Variants in FANCI observed in about 807,000 individuals in gnomAD.
FANCI encodes FA complementation group I.
A neutral mutation model predicts 176.1 loss-of-function variants in FANCI; 156 were observed. The ratio of observed to expected loss-of-function variants is 0.89; its 90% CI spans 0.78 to 1.01. FANCI has a LOEUF of 1.01. Among genes scored for constraint, FANCI ranks in the 50% least tolerant of loss-of-function variants. The pLI is 0.00. For synonymous variants in FANCI, 613 were observed against 541.7 expected (o/e 1.13, Z -1.83); for missense variants, 1,678 against 1,534.1 (o/e 1.09, Z -1.57).
chr15:89,304,263 TC>T (rs1241420995), intron 28 of FANCI, among the ~76,000 whole-genome samples: 4 of 152,222 alleles, frequency 2.6e-5, no homozygotes, highest in African/African-American at 9.6e-5. Context: ...ACCTAAGTGT[TC>T]ATCAGCAGTA....
chr15:89,261,360 G>T (rs2052705060), intron 4 of FANCI, among the ~76,000 whole-genome samples: 1 of 152,140 alleles, frequency 6.6e-6, no homozygotes, highest in South Asian at 2.1e-4. Flanking sequence ...TGAAGAGCTG[G>T]CATATCTGAA....
downstream of FANCI, chr15:89,317,197 T>G (rs1338658433): frequency 1.6e-6 from 1 of 639,940 alleles, no homozygotes; most frequent in Non-Finnish European, 2.8e-6. Flanking sequence ...CCTTCATTTC[T>G]GAAACATCAT....
intron 10 of FANCI, among the ~76,000 whole-genome samples, chr15:89,269,286 A>G (rs540081164): frequency 7.2e-5 from 11 of 152,350 alleles, no homozygotes; most frequent in Admixed American, 3.9e-4. Flanking sequence ...ATAAGGACAC[A>G]TTATCACAAT....
Position 89,276,832 on chromosome 15 carries a change from A to G in FANCI, c.1234A>G (p.Arg412Gly). ...TATTGAAACCAGCCCAAGTCTTTCT[A>G]GAATGCCAAACCAGCATGCATGTAA... ...KTIETSPSLS[R>G]MPNQHACKLG... Residue 412 changes from arginine (R) to glycine (G), a missense_variant, in exon 13 of 38, where the codon AGA becomes GGA. Physicochemically the swap from Arg to Gly is moderately radical, Grantham distance 125. Transcript: ENST00000310775. 1 of 1,614,198 alleles carries G rather than the reference A, an allele frequency of 6.2e-7. No individual in the cohort carries two copies. The highest frequency in any genetic ancestry group is 8.5e-7 in the Non-Finnish European group (1 of 1,180,032).
chr15:89,307,425 C>G (rs751534750), intron 32 of FANCI, 51 bp from the exon 33 acceptor site: 1 of 1,554,410 alleles, frequency 6.4e-7, no homozygotes. Flanking sequence ...GCAGCAGTCA[C>G]TTGTAGTTTC....
chr15:89,287,813 G>C (rs2053879823), intron 18 of FANCI, among the ~76,000 whole-genome samples: 1 of 151,296 alleles, frequency 6.6e-6, no homozygotes, highest in Non-Finnish European at 1.5e-5. Flanking sequence ...GGCCCAGTCA[G>C]TGGAACCAGT....
intron 12 of FANCI, among the ~76,000 whole-genome samples, chr15:89,275,923 C>T (rs932199207): frequency 2.0e-5 from 3 of 152,206 alleles, no homozygotes; most frequent in African/African-American, 7.2e-5. Flanking sequence ...ATGCTTGCCC[C>T]AGTCAGTTAA....
At position 89,293,990 on chromosome 15, in the gene FANCI, C is replaced by T; in HGVS notation, c.2449C>T (p.Leu817Phe). Residue 817 changes from leucine to phenylalanine, a missense_variant, in exon 23 of 38, where the codon CTT becomes TTT. This residue lies in a region of FANCI where 1,204 missense variants were observed against 1,077.4 expected (regional missense o/e 1.12). Coordinates refer to ENST00000310775, the MANE Select transcript of FANCI (RefSeq NM_001113378.2). ...MKFVSSLLTA[L>F]FRDSIQSHQE... ...ATTTGTGTCCAGTCTTCTCACTGCT[C>T]TTTTCAGGTAAGGTTCTGCTAGAGT... is the stretch of plus-strand genomic sequence containing the variant. The T allele has an allele frequency of 1.9e-6, 3 of 1,614,138 alleles. No homozygotes were observed. Among genetic ancestry groups the T allele is most frequent in the African/African-American group, 1.3e-5 (1 of 75,058 alleles).
intron 9 of FANCI, among the ~76,000 whole-genome samples, chr15:89,265,380 G>A (rs2052897470): frequency 6.6e-6 from 1 of 151,346 alleles, no homozygotes. Context: ...GCTAATTTTT[G>A]TATTTTTAGC....
At chr15:89,304,183 A>C (rs2054627027) in intron 28 of FANCI, among the ~76,000 whole-genome samples, 1 of 152,236 alleles carries the variant, frequency 6.6e-6, no homozygotes, top group African/African-American at 2.4e-5. Flanking sequence ...CCTATGACTC[A>C]ACAATTCGAA....
intron 30 of FANCI, 84 bp downstream of exon 30, chr15:89,305,493 G>A (rs2054683017): frequency 1.4e-5 from 22 of 1,606,862 alleles, no homozygotes; most frequent in Non-Finnish European, 1.8e-5. Flanking sequence ...GTCCTATAGC[G>A]GCTTGTGTCC....
At chr15:89,290,892 C>G (rs1188793820) in intron 19 of FANCI, among the ~76,000 whole-genome samples, 2 of 152,084 alleles carry the variant, frequency 1.3e-5, no homozygotes, top group Non-Finnish European at 2.9e-5. Flanking sequence ...ATTGGAAGTT[C>G]CCATACTGTC....
chr15:89,293,435 C>G (rs2054138989), intron 22 of FANCI, among the ~76,000 whole-genome samples: 1 of 152,118 alleles, frequency 6.6e-6, no homozygotes, highest in Non-Finnish European at 1.5e-5. Flanking sequence ...GCCTGTAATC[C>G]CAGAACTTTG....
chr15:89,276,183 A>G (rs1279865176), intron 12 of FANCI, among the ~76,000 whole-genome samples: 2 of 152,232 alleles, frequency 1.3e-5, no homozygotes, highest in Non-Finnish European at 2.9e-5. Flanking sequence ...CTCTTTTACA[A>G]AAGATTATTT....
At chr15:89,286,061 G>A (rs56323230) in intron 18 of FANCI, among the ~76,000 whole-genome samples, 1 of 151,672 alleles carries the variant, frequency 6.6e-6, no homozygotes. Flanking sequence ...TCGGTTCACT[G>A]CAGCCTCCAT....
intron 3 of FANCI, chr15:89,259,014 A>G (rs2052610822): frequency 2.0e-6 from 1 of 488,496 alleles, no homozygotes; most frequent in Non-Finnish European, 3.7e-6. Flanking sequence ...TAATTACAGA[A>G]TGTGCTTTTC....
chr15:89,252,397 A>T (rs1261186700), intron 2 of FANCI, among the ~76,000 whole-genome samples: 1 of 152,200 alleles, frequency 6.6e-6, no homozygotes, highest in Non-Finnish European at 1.5e-5. Flanking sequence ...ACCATCTATA[A>T]ACGAATTCAT....
At position 89,316,431 on chromosome 15, in the gene FANCI, A is replaced by G. The variant is rs747345120; in HGVS notation, c.3959A>G (p.Glu1320Gly). 2 of 1,611,976 alleles carry G rather than the reference A, an allele frequency of 1.2e-6. No individual in the cohort carries two copies. Among genetic ancestry groups the G allele is most frequent in the South Asian group, 2.2e-5 (2 of 90,666 alleles). ...TASEHGGQNK[E>G]PAKKKRKK ...TCAGAGCATGGGGGACAGAACAAAGAACCAGCCAAGAAGAAAAGGAAAAAA... is the reference window on the plus strand; with the variant it reads ...TCAGAGCATGGGGGACAGAACAAAGGACCAGCCAAGAAGAAAAGGAAAAAA... The change falls in exon 38 of 38, where the codon GAA becomes GGA. Residue 1320 changes from glutamate (E) to glycine (G), a missense_variant. Physicochemically the swap from Glu to Gly is moderately conservative, Grantham distance 98 (BLOSUM62 -2). Transcript: ENST00000310775.
At chr15:89,313,739 A>G (rs981512297) in intron 35 of FANCI, among the ~76,000 whole-genome samples, 2 of 152,200 alleles carry the variant, frequency 1.3e-5, no homozygotes, top group Admixed American at 6.5e-5. Flanking sequence ...GTGAAATATT[A>G]GAAACAAAGA....
Sources: gnomAD v4.1 joint callset for allele counts (sites outside exome capture counted in the v4.1 genomes callset) on GRCh38, gnomAD v4.1.1 for gene constraint, gnomAD v4.1.1 regional missense constraint, MANE v1.5 for transcripts, NCBI Gene and HGNC (gene_info 2026-07-23, HGNC 2026-07-21) for gene names.